Variants in KIRREL3 observed in about 807,000 individuals in gnomAD.
KIRREL3 encodes kin of IRRE-like protein 3.
KIRREL3 carries 36 observed loss-of-function variants against 89.7 expected under a neutral mutation model. The ratio of observed to expected loss-of-function variants is 0.40; its 90% confidence interval spans 0.31 to 0.53. KIRREL3 has a LOEUF of 0.53. Ranked by LOEUF, KIRREL3 falls within the 20% of genes least tolerant of loss-of-function variation. The probability of loss-of-function intolerance (pLI) is 0.49; values close to 1 mark genes in which losing one functional copy is unlikely to be tolerated. For synonymous variants in KIRREL3, 445 were observed against 441.4 expected (o/e 1.01, Z -0.10); for missense variants, 864 against 1,056.6 (o/e 0.82, Z 2.53).
At chr11:126,759,137 G>A (rs1368022827) in intron 1 of KIRREL3, among the ~76,000 whole-genome samples, 4 of 152,082 alleles carry the variant, frequency 2.6e-5, no homozygotes, top group Non-Finnish European at 4.4e-5. Flanking sequence ...TTGTTGTATC[G>A]TTTGAGACGA....
At chr11:126,845,564 C>T (rs183097762) in intron 1 of KIRREL3, among the ~76,000 whole-genome samples, 8 of 152,150 alleles carry the variant, frequency 5.3e-5, no homozygotes, top group South Asian at 2.1e-4. Context: ...CAAGATGGCC[C>T]GGAAAACTGG....
chr11:126,492,700 T>A lies in KIRREL3; in HGVS notation c.434-19234A>T, dbSNP rs1275693586. On this transcript the variant is annotated intron_variant, in intron 4 of 16. Coordinates refer to ENST00000525144, the MANE Select transcript of KIRREL3 (RefSeq NM_032531.4). The surrounding 1 kb of genome is among the most constrained non-coding windows in gnomAD (Gnocchi z 4.8). ...AGGGCCTTTTCTTCCAAGCAGTTCA[T>A]GCCTCAGTGACTGTTAATGGTGAAA... Among the ~76,000 whole-genome samples the A allele has an allele frequency of 6.6e-6, 1 of 152,180 alleles. No homozygotes were observed. Among genetic ancestry groups the A allele is most frequent in the African/African-American group, 2.4e-5 (1 of 41,456 alleles).
At chr11:126,992,453 G>C (rs1565484477) in intron 1 of KIRREL3, 1 of 152,186 alleles carries the variant, frequency 6.6e-6, no homozygotes, top group South Asian at 2.1e-4. Context: ...CTGAACAATC[G>C]GGGTTTTGCT....
intron 1 of KIRREL3, among the ~76,000 whole-genome samples, chr11:126,856,139 A>G (rs1944498660): frequency 6.6e-6 from 1 of 152,198 alleles, no homozygotes; most frequent in Admixed American, 6.5e-5. Flanking sequence ...CTGCAGAGCC[A>G]TATGCACTTT....
intron 1 of KIRREL3, among the ~76,000 whole-genome samples, chr11:126,781,527 C>T (rs909589278): frequency 3.9e-5 from 6 of 152,168 alleles, no homozygotes; most frequent in Non-Finnish European, 7.4e-5. Context: ...TTATCATAAG[C>T]ATTTTATCTG....
In KIRREL3 at chr11:126,764,085, G is replaced by A. The variant is rs559285660; in HGVS notation, c.56-201173C>T. Among the ~76,000 whole-genome samples the A allele has an allele frequency of 4.5e-4, 69 of 152,310 alleles. No homozygotes were observed. In the South Asian group the frequency reaches 0.012, roughly 27 times the overall value. ...TTTCAGAAGCTCTAATTAAGTGGAA[G>A]ATTATGCATGCCATTTGAGTTTTAA... On this transcript the variant is annotated intron_variant, in intron 1 of 16. Coordinates refer to ENST00000525144, the MANE Select transcript of KIRREL3 (RefSeq NM_032531.4). The surrounding 1 kb of genome is among the most constrained non-coding windows in gnomAD (Gnocchi z 4.2).
chr11:126,692,661 AAAAGG>A (rs1443426235), intron 1 of KIRREL3, among the ~76,000 whole-genome samples: 1 of 152,216 alleles, frequency 6.6e-6, no homozygotes, highest in Non-Finnish European at 1.5e-5. Flanking sequence ...TTCAGCTTTA[AAAAGG>A]AAGGAAAACC....
In KIRREL3 at chr11:126,571,763, G is replaced by A. The variant is rs773009363; in HGVS notation, c.56-8851C>T. 1.1e-4 allele frequency among the ~76,000 whole-genome samples: 17 copies of A among 152,272 alleles called. No homozygotes were observed. The highest frequency in any genetic ancestry group is 1.9e-4 in the Non-Finnish European group (13 of 68,026). On this transcript the variant is annotated intron_variant, in intron 1 of 16. Transcript: ENST00000525144. The surrounding 1 kb of genome is among the most constrained non-coding windows in gnomAD (Gnocchi z 7.7). ...GTATAATCCGTTTGTGAGAGGGGTG[G>A]GGCGGGGGGATGTTAAATAATGTTG...
intron 1 of KIRREL3, among the ~76,000 whole-genome samples, chr11:126,725,739 G>T (rs904590849): frequency 6.6e-6 from 1 of 152,184 alleles, no homozygotes; most frequent in Admixed American, 6.5e-5. Context: ...GGCTGGTGGA[G>T]CTCTGTGGCC....
chr11:126,779,230 A>G (rs1317581165), intron 1 of KIRREL3, among the ~76,000 whole-genome samples: 1 of 152,184 alleles, frequency 6.6e-6, no homozygotes, highest in Non-Finnish European at 1.5e-5. Context: ...GGAAGGCTCC[A>G]TGACATTCCC....
Position 126,772,431 on chromosome 11 carries a change from C to T in KIRREL3, c.56-209519G>A, listed in dbSNP as rs1190210468. 3.3e-5 allele frequency among the ~76,000 whole-genome samples: 5 copies of T among 152,042 alleles called. No homozygotes were observed. The highest frequency in any genetic ancestry group is 4.8e-5 in the African/African-American group (2 of 41,396). ...GGGATGGCTTATAATTTGAGGGAGA[C>T]GTTTGGGAGGAGGATGCTTCAGCCG... is the stretch of plus-strand genomic sequence containing the variant. On this transcript the variant is annotated intron_variant, in intron 1 of 16. Coordinates refer to ENST00000525144, the MANE Select transcript of KIRREL3 (RefSeq NM_032531.4). This position sits in a 1 kb window ranked among gnomAD's most constrained non-coding sequence, Gnocchi z 4.6.
chr11:126,495,484 C>T lies in KIRREL3; in HGVS notation c.434-22018G>A, dbSNP rs557887110. ...CCTCGTCTCCGCTCATCCTTGCTGG[C>T]CGGGTTTCTGGTTGTGGCTGTTGTG... On this transcript the variant is annotated intron_variant, in intron 4 of 16. Transcript: ENST00000525144. This position sits in a 1 kb window ranked among gnomAD's most constrained non-coding sequence, Gnocchi z 6.5. Among the ~76,000 whole-genome samples the T allele has an allele frequency of 6.6e-6, 1 of 152,282 alleles. No homozygotes were observed. Among genetic ancestry groups the T allele is most frequent in the East Asian group, 1.9e-4 (1 of 5,182 alleles).
chr11:126,824,423 G>A (rs1197421381), intron 1 of KIRREL3, among the ~76,000 whole-genome samples: 1 of 152,232 alleles, frequency 6.6e-6, no homozygotes, highest in East Asian at 1.9e-4. Flanking sequence ...GGACGCTCAA[G>A]TTCAGGGAGG....
intron 1 of KIRREL3, among the ~76,000 whole-genome samples, chr11:126,907,543 AAG>A (rs939549709): frequency 1.3e-5 from 2 of 152,206 alleles, no homozygotes; most frequent in African/African-American, 4.8e-5. Context: ...TGAGAAGCAT[AAG>A]AGAACTTCGG....
At chr11:126,777,722 T>A (rs564253962) in intron 1 of KIRREL3, among the ~76,000 whole-genome samples, 11 of 152,320 alleles carry the variant, frequency 7.2e-5, no homozygotes, top group Admixed American at 2.0e-4. Context: ...TGGTTTACCA[T>A]CTGCATCTTT....
chr11:126,493,654 CAAAA>C (rs5795499), intron 4 of KIRREL3, among the ~76,000 whole-genome samples: 3 of 82,236 alleles, frequency 3.6e-5, no homozygotes, highest in Non-Finnish European at 6.5e-5. Flanking sequence ...GACTCTGTCT[CAAAA>C]AAAAAAAAAA....
intron 1 of KIRREL3, among the ~76,000 whole-genome samples, chr11:126,585,422 T>C (rs1269966614): frequency 6.6e-6 from 1 of 151,172 alleles, no homozygotes; most frequent in African/African-American, 2.4e-5. Context: ...TCAGTAGAGA[T>C]GGGTTTTCAA....
chr11:126,774,154 G>A (rs1168562340), intron 1 of KIRREL3, among the ~76,000 whole-genome samples: 1 of 132,670 alleles, frequency 7.5e-6, no homozygotes, highest in East Asian at 2.4e-4. Context: ...TAAATAAGTA[G>A]AGAGTAAAGC....
At position 126,858,576 on chromosome 11, in the gene KIRREL3, C is replaced by T. The variant is rs546425338; in HGVS notation, c.55+141879G>A. On this transcript the variant is annotated intron_variant, in intron 1 of 16. Transcript: ENST00000525144. The stretch of plus-strand genomic sequence containing the variant: ...TGCACACACCTCCAGTGTGAGTTCT[C>T]CTCTGCCATTCACAAGGCAGACTCA... 5.5e-4 allele frequency among the ~76,000 whole-genome samples: 84 copies of T among 152,198 alleles called. 1 individual carries two copies. The highest frequency in any genetic ancestry group is 1.6e-4 in the Non-Finnish European group (11 of 68,020).
Sources: allele counts gnomAD v4.1 joint callset (sites outside exome capture counted in the v4.1 genomes callset), GRCh38; gene constraint gnomAD v4.1.1; non-coding constraint Gnocchi (gnomAD v3.1); transcripts MANE v1.5; gene names NCBI Gene and HGNC (gene_info 2026-07-23, HGNC 2026-07-21).